Variants in PCNX1 observed in about 807,000 individuals in gnomAD.
PCNX1 encodes pecanex 1, also known as pecanex-like protein 1.
In PCNX1, 78 loss-of-function variants were observed where a neutral mutation model predicts 242.2. That is an observed-to-expected ratio of 0.32 (90% CI 0.27 to 0.39). The LOEUF is 0.39. PCNX1 is among the 10% of genes least tolerant of loss of function. The pLI is 1.00. For synonymous variants in PCNX1, 1,024 were observed against 1,032.9 expected (o/e 0.99, Z 0.17); for missense variants, 2,581 against 2,856.5 (o/e 0.90, Z 2.20).
chr14:71,003,612 A>T (rs2059573695), intron 8 of PCNX1, among the ~76,000 whole-genome samples: 1 of 152,228 alleles, frequency 6.6e-6, no homozygotes, highest in African/African-American at 2.4e-5. Flanking sequence ...TAATGAAATC[A>T]CAGCAAAATA....
At chr14:71,067,206 C>A (rs763519059) in intron 26 of PCNX1, among the ~76,000 whole-genome samples, 1 of 152,036 alleles carries the variant, frequency 6.6e-6, no homozygotes, top group Non-Finnish European at 1.5e-5. Context: ...CTTCTTTATA[C>A]CTCTGGTAGA....
intron 2 of PCNX1, among the ~76,000 whole-genome samples, chr14:70,949,089 T>C (rs1410253884): frequency 6.8e-6 from 1 of 147,276 alleles, no homozygotes; most frequent in African/African-American, 2.5e-5. Context: ...TATACATGTG[T>C]ATATATACAT....
chr14:70,949,226 T>C (rs527849467), intron 2 of PCNX1, among the ~76,000 whole-genome samples: 1 of 127,996 alleles, frequency 7.8e-6, no homozygotes, highest in Non-Finnish European at 1.7e-5. Flanking sequence ...TATATAGATA[T>C]ATGTATGTGT....
chr14:70,944,230 G>T (rs1163884378), intron 1 of PCNX1, among the ~76,000 whole-genome samples: 1 of 152,234 alleles, frequency 6.6e-6, no homozygotes, highest in Non-Finnish European at 1.5e-5. Context: ...CTCAGTGCAA[G>T]CCCATGTGCC....
At chr14:70,996,003 T>C (rs1289185026) in intron 8 of PCNX1, 78 bp downstream of exon 8, 8 of 1,068,930 alleles carry the variant, frequency 7.5e-6, no homozygotes, top group Middle Eastern at 4.0e-4. Context: ...CAGTTCTTTT[T>C]TGAGATAGTT....
At position 70,971,115 on chromosome 14, in the gene PCNX1, G is replaced by GTTTTTTTTTT. The variant is rs1046870052; in HGVS notation, c.604+2036_604+2045dup. Among the ~76,000 whole-genome samples the GTTTTTTTTTT allele has an allele frequency of 4.8e-4, 7 of 14,518 alleles. 3 individuals carry two copies. Among genetic ancestry groups the GTTTTTTTTTT allele is most frequent in the African/African-American group, 1.7e-3 (6 of 3,452 alleles). 9.5% of individuals were successfully genotyped at this position (14,518 alleles called of 152,430 possible). A position where few individuals can be genotyped will look rare whatever the true frequency, so the allele number is the denominator to read the frequency against. On this transcript the variant is annotated intron_variant, in intron 5 of 35. Transcript: ENST00000304743. ...AATCTATGCTATACTACTTTATATAGTTTTTTTTTTTTTTTTTTTTTTTTT... is the reference window on the plus strand; with the variant it reads ...AATCTATGCTATACTACTTTATATAGTTTTTTTTTTTTTTTTTTTTTTTTTTTTTTTTTTT...
At chr14:70,984,505 G>C (rs2058939095) in intron 6 of PCNX1, among the ~76,000 whole-genome samples, 1 of 150,878 alleles carries the variant, frequency 6.6e-6, no homozygotes, top group Non-Finnish European at 1.5e-5. Flanking sequence ...TCCTGCCTCA[G>C]CCTCCCGAGT....
At chr14:70,955,311 T>C (rs936102592) in intron 2 of PCNX1, among the ~76,000 whole-genome samples, 1 of 152,234 alleles carries the variant, frequency 6.6e-6, no homozygotes, top group African/African-American at 2.4e-5. Flanking sequence ...TAGGCTGTTT[T>C]CTGAGAGAGA....
At chr14:71,033,900 G>T (rs768912955) in intron 17 of PCNX1, 31 bp from the exon 18 acceptor site, 40 of 1,093,402 alleles carry the variant, frequency 3.7e-5, no homozygotes, top group Non-Finnish European at 4.8e-5. Flanking sequence ...GATTATCTAT[G>T]TATTTTCTGT....
At chr14:71,035,967 CA>C in intron 18 of PCNX1, 97 bp from the exon 19 acceptor site, 1 of 770,538 alleles carries the variant, frequency 1.3e-6, no homozygotes. Context: ...GCTAGCCAGG[CA>C]AAAAATTAAT....
intron 26 of PCNX1, among the ~76,000 whole-genome samples, chr14:71,062,199 CAG>C (rs1595406286): frequency 6.6e-6 from 1 of 152,066 alleles, no homozygotes; most frequent in African/African-American, 2.4e-5. Flanking sequence ...GCAGGTCCTT[CAG>C]GGGGTATCCA....
In PCNX1 at chr14:70,978,423, G is replaced by T; in HGVS notation, c.2086G>T (p.Gly696Cys). Residue 696 changes from glycine to cysteine, a missense_variant, in exon 6 of 36, where the codon GGC (glycine) becomes TGC (cysteine). Gly to Cys is a radical substitution (Grantham distance 159). Coordinates refer to ENST00000304743, the MANE Select transcript of PCNX1 (RefSeq NM_014982.3). ...TGCCCGAGTGTTGAGCCTGGACAGT[G>T]GCACAGTAGCATGTTTGAATGACTC... ...TRARVLSLDS[G>C]TVACLNDSNR... is the part of the protein sequence containing the mutation. 1.2e-6 allele frequency: 2 copies of T among 1,614,160 alleles called. No homozygotes were observed. Among genetic ancestry groups the T allele is most frequent in the Non-Finnish European group, 1.7e-6 (2 of 1,180,004 alleles).
chr14:71,006,640 TATG>T (rs1370660460), intron 8 of PCNX1, among the ~76,000 whole-genome samples: 1 of 152,166 alleles, frequency 6.6e-6, no homozygotes, highest in Non-Finnish European at 1.5e-5. Flanking sequence ...AAAGTTTAAA[TATG>T]ATGGTTTTAA....
chr14:70,939,386 T>C (rs1566591577), intron 1 of PCNX1, among the ~76,000 whole-genome samples: 1 of 152,244 alleles, frequency 6.6e-6, no homozygotes, highest in East Asian at 1.9e-4. Context: ...CATTTTGTTA[T>C]GTACCCAGTA....
chr14:71,091,903 CTGTG>C lies in PCNX1; in HGVS notation c.5589+2564_5589+2567del, dbSNP rs748843596. Among the ~76,000 whole-genome samples the C allele has an allele frequency of 3.9e-4, 60 of 152,342 alleles. 1 individual carries two copies. The highest frequency in any genetic ancestry group is 3.9e-4 in the East Asian group (2 of 5,190). ...AAACGCCGTGTGGCACTAATCATCTCTGTGTGAGCAGTTCGCCTTTCCAGTAAAT... is the reference window on the plus strand; with the variant it reads ...AAACGCCGTGTGGCACTAATCATCTCTGAGCAGTTCGCCTTTCCAGTAAAT... On this transcript the variant is annotated intron_variant, in intron 30 of 35. Transcript: ENST00000304743.
At chr14:71,093,728 C>G (rs1481750211) in intron 30 of PCNX1, 5 of 152,190 alleles carry the variant, frequency 3.3e-5, no homozygotes. Context: ...CTCCTTCCAC[C>G]TCCTCCACCT....
chr14:70,944,419 T>C (rs1251070099), intron 1 of PCNX1, among the ~76,000 whole-genome samples: 1 of 152,228 alleles, frequency 6.6e-6, no homozygotes, highest in Non-Finnish European at 1.5e-5. Flanking sequence ...CTGTAGTCCC[T>C]TTGTTTTGGC....
rs1594995352 is a variant in PCNX1, at chr14:70,948,679, G to A, written c.362+1556G>A. Among the ~76,000 whole-genome samples the A allele has an allele frequency of 2.0e-5, 3 of 147,786 alleles. No individual in the cohort carries two copies. The East Asian group carries it at 6.1e-4, about 30-fold the overall frequency. ...TATATATACACGTGTCTATATAGAT[G>A]TGTATATATACACGTGTATATATAC... On this transcript the variant is annotated intron_variant, in intron 2 of 35. Coordinates refer to ENST00000304743, the MANE Select transcript of PCNX1 (RefSeq NM_014982.3).
chr14:71,014,774 A>G (rs2059916004), intron 11 of PCNX1, among the ~76,000 whole-genome samples: 1 of 152,130 alleles, frequency 6.6e-6, no homozygotes. Context: ...ACAAGGAGAC[A>G]AAAGATTTTG....
Sources: allele counts gnomAD v4.1 joint callset (sites outside exome capture counted in the v4.1 genomes callset), GRCh38; gene constraint gnomAD v4.1.1; transcripts MANE v1.5; gene names NCBI Gene and HGNC (gene_info 2026-07-23, HGNC 2026-07-21).